IL22RA1: variants seen among roughly 807,000 people sequenced by gnomAD.
The protein encoded by IL22RA1 is interleukin-22 receptor subunit alpha-1.
IL22RA1 carries 25 observed loss-of-function variants against 32.8 expected under a neutral mutation model. The ratio of observed to expected loss-of-function variants is 0.76; its 90% CI spans 0.55 to 1.06. IL22RA1 has a LOEUF of 1.06. Ranked by LOEUF, IL22RA1 falls within the 50% of genes least tolerant of loss-of-function variation. The pLI is 0.00. For missense variants in IL22RA1, 709 were observed against 727.4 expected (o/e 0.97, Z 0.29); for synonymous variants, 305 against 305.0 (o/e 1.00, Z 0.00).
chr1:24,123,506 G>A, intron 5 of IL22RA1, 83 bp from the exon 6 acceptor site: 2 of 1,556,392 alleles, frequency 1.3e-6, no homozygotes, highest in Non-Finnish European at 1.7e-6. Flanking sequence ...ACATGTGGAT[G>A]CTGAAAACCC....
At chr1:24,125,442 G>GCTCTGTGACCCTCC (rs1553159584) in intron 5 of IL22RA1, among the ~76,000 whole-genome samples, 1 of 152,206 alleles carries the variant, frequency 6.6e-6, no homozygotes, top group African/African-American at 2.4e-5. Context: ...CTGGGACAAT[G>GCTCTGTGACCCTCC]CTCTGTGACC....
At chr1:24,138,524 T>C (rs982771788) in intron 2 of IL22RA1, 58 bp downstream of exon 2, 25 of 1,601,214 alleles carry the variant, frequency 1.6e-5, no homozygotes, top group Admixed American at 1.3e-4. Flanking sequence ...GGGGAATTCC[T>C]TGGAGAGGGG....
chr1:24,135,142 A>T (rs927834329), intron 3 of IL22RA1, among the ~76,000 whole-genome samples: 1 of 152,238 alleles, frequency 6.6e-6, no homozygotes, highest in Non-Finnish European at 1.5e-5. Flanking sequence ...GAAATACATA[A>T]GTAAATTAGA....
chr1:24,123,200 C>T (rs747116595), intron 6 of IL22RA1, 102 bp downstream of exon 6: 16 of 1,478,478 alleles, frequency 1.1e-5, no homozygotes, highest in Middle Eastern at 2.5e-4. Context: ...AGGCCCATCT[C>T]CTGCTTTGTC....
chr1:24,128,379 C>T, intron 4 of IL22RA1, 100 bp from the exon 5 acceptor site: 1 of 1,384,952 alleles, frequency 7.2e-7, no homozygotes, highest in Non-Finnish European at 1.0e-6. Context: ...TGGTTTGATG[C>T]TGATGGGTCT....
intron 2 of IL22RA1, among the ~76,000 whole-genome samples, chr1:24,138,228 A>C (rs941432339): frequency 6.6e-6 from 1 of 152,206 alleles, no homozygotes; most frequent in African/African-American, 2.4e-5. Context: ...TCCAGGCACA[A>C]GTGCTAATGA....
intron 5 of IL22RA1, chr1:24,123,655 T>C: frequency 3.0e-6 from 3 of 988,870 alleles, no homozygotes; most frequent in Non-Finnish European, 4.1e-6. Context: ...GTTCGAGGTT[T>C]CCACCTTAAC....
chr1:24,121,795 A>C, intron 6 of IL22RA1, 58 bp from the exon 7 acceptor site: 1 of 1,356,546 alleles, frequency 7.4e-7, no homozygotes, highest in Non-Finnish European at 9.7e-7. Flanking sequence ...CAAGCTCCCT[A>C]CTGGTGATGT....
intron 5 of IL22RA1, among the ~76,000 whole-genome samples, chr1:24,127,704 G>A (rs1303444460): frequency 6.6e-6 from 1 of 152,214 alleles, no homozygotes; most frequent in African/African-American, 2.4e-5. Context: ...TGCTCATGAG[G>A]CTTGCCCTTG....
chr1:24,138,916 G>C (rs1344104103), intron 1 of IL22RA1, among the ~76,000 whole-genome samples: 1 of 152,238 alleles, frequency 6.6e-6, no homozygotes, highest in Non-Finnish European at 1.5e-5. Context: ...TCCCCACGCT[G>C]TTCTAACCAA....
At position 24,128,142 on chromosome 1, in the gene IL22RA1, T is replaced by C; in HGVS notation, c.669A>G (p.Pro223=). 1 of 1,530,630 alleles carries C rather than the reference T, an allele frequency of 6.5e-7. No individual in the cohort carries two copies. The highest frequency in any genetic ancestry group is 8.8e-7 in the Non-Finnish European group (1 of 1,136,504). 94.8% of individuals were successfully genotyped at this position (1,530,630 alleles called of 1,614,324 possible). A position where few individuals can be genotyped will look rare whatever the true frequency, so the allele number is the denominator to read the frequency against. ...APYMCRVKTL[P]DRTWTYSFSG... ...CCCTCTGGTTTCAGCCGAACTCACC[T>C]GGCAGTGTCTTCACTCGGCACATGT... Residue 223 remains proline, a splice_region_variant and synonymous_variant, in exon 5 of 7, where the codon CCA becomes CCG. Coordinates refer to ENST00000270800, the MANE Select transcript of IL22RA1 (RefSeq NM_021258.4).
In IL22RA1 at chr1:24,121,075, C is replaced by A; in HGVS notation, c.1455G>T (p.Glu485Asp). 1 of 1,614,202 alleles carries A rather than the reference C, an allele frequency of 6.2e-7. No individual in the cohort carries two copies. Among genetic ancestry groups the A allele is most frequent in the Non-Finnish European group, 8.5e-7 (1 of 1,180,022 alleles). Reference sequence around the variant, plus strand: ...CCTTTAGGTACTGTGGTGTCCCTTCCTCCCCACTGTGTAGCACATTTGGGT... The same window carrying A: ...CCTTTAGGTACTGTGGTGTCCCTTCATCCCCACTGTGTAGCACATTTGGGT... ...TSDPNVLHSG[E>D]EGTPQYLKGQ... The change falls in exon 7 of 7, where the codon GAG becomes GAT. Residue 485 changes from glutamate (E) to aspartate (D), a missense_variant. By Grantham distance (45) the Glu-to-Asp change is conservative. Transcript: ENST00000270800.
chr1:24,123,003 G>A (rs948256887), intron 6 of IL22RA1, among the ~76,000 whole-genome samples: 11 of 152,084 alleles, frequency 7.2e-5, no homozygotes, highest in African/African-American at 2.7e-4. Flanking sequence ...TTCCTCCCTC[G>A]TTGCCTTGCT....
chr1:24,139,688 C>T (rs780142912), intron 1 of IL22RA1, among the ~76,000 whole-genome samples: 7 of 152,294 alleles, frequency 4.6e-5, no homozygotes, highest in Non-Finnish European at 8.8e-5. Flanking sequence ...CATGCACCAC[C>T]ACATCCGTCT....
rs760110425 is a variant in IL22RA1, at chr1:24,138,565, T to A, written c.176+17A>T. ...TTCAGATCAGTCAAAGGAGGTGGGG[T>A]CAAGAGAGAAGCCTACGTCTTATAC... On this transcript the variant is annotated intron_variant, in intron 2 of 6. Coordinates refer to ENST00000270800, the MANE Select transcript of IL22RA1 (RefSeq NM_021258.4). The A allele has an allele frequency of 5.0e-5, 80 of 1,613,260 alleles. No individual in the cohort carries two copies. The South Asian group carries it at 8.7e-4, about 18-fold the overall frequency.
chr1:24,134,545 G>A (rs1391080616), intron 3 of IL22RA1, among the ~76,000 whole-genome samples, 159 bp from the exon 4 acceptor site: 1 of 152,180 alleles, frequency 6.6e-6, no homozygotes, highest in Admixed American at 6.5e-5. Context: ...AGTGAAAAGA[G>A]AAAAGTTTCT....
At position 24,120,813 on chromosome 1, in the gene IL22RA1, C is replaced by G. The variant is rs909932565; in HGVS notation, c.1717G>C (p.Glu573Gln). 1.2e-6 allele frequency: 2 copies of G among 1,600,974 alleles called. No individual in the cohort carries two copies. The highest frequency in any genetic ancestry group is 1.7e-6 in the Non-Finnish European group (2 of 1,172,874). ...FRGLALTVQW[E>Q]S ...AGCCTTTCCCATTCCCCTCAGGACT[C>G]CCACTGCACAGTCAGGGCCAGGCCT... Residue 573 changes from glutamate to glutamine, a missense_variant, in exon 7 of 7, where the codon GAG (glutamate) becomes CAG (glutamine). Glu to Gln is a conservative substitution (Grantham distance 29). Transcript: ENST00000270800.
chr1:24,121,644 C>T lies in IL22RA1; in HGVS notation c.886G>A (p.Ala296Thr), dbSNP rs758263556. ...VFDLSGPSSL[A>T]QPVQYSQIRV... The stretch of plus-strand genomic sequence containing the variant: ...ATCTGGGAGTACTGGACAGGCTGGG[C>T]CAGACTGCTGGGGCCGCTGAGGTCA... The change falls in exon 7 of 7, where the codon GCC (alanine) becomes ACC (threonine). Residue 296 changes from alanine (A) to threonine (T), a missense_variant. Physicochemically the swap from Ala to Thr is moderately conservative, Grantham distance 58 (BLOSUM62 0). Transcript: ENST00000270800. 4 of 1,611,178 alleles carry T rather than the reference C, an allele frequency of 2.5e-6. No homozygotes were observed. The South Asian group carries it at 4.4e-5, about 18-fold the overall frequency.
intron 2 of IL22RA1, among the ~76,000 whole-genome samples, 170 bp from the exon 3 acceptor site, chr1:24,137,479 T>C (rs1158290930): frequency 6.6e-6 from 1 of 152,102 alleles, no homozygotes; most frequent in African/African-American, 2.4e-5. Flanking sequence ...CTGAGGCATA[T>C]GCATTCTTCT....
Sources: gnomAD v4.1 joint callset for allele counts (sites outside exome capture counted in the v4.1 genomes callset) on GRCh38, gnomAD v4.1.1 for gene constraint, MANE v1.5 for transcripts, NCBI Gene and HGNC (gene_info 2026-07-23, HGNC 2026-07-21) for gene names.